The following NFKBIB variants were observed in gnomAD, a reference collection of about 807,000 sequenced individuals.
The protein encoded by NFKBIB is NF-kappa-B inhibitor beta.
A neutral mutation model predicts 32.1 loss-of-function variants in NFKBIB; 16 were observed. That is an observed-to-expected ratio of 0.50 (90% CI 0.34 to 0.76). The LOEUF is 0.76. NFKBIB is among the 30% of genes least tolerant of loss of function. NFKBIB has a pLI of 0.01. For missense variants in NFKBIB, 437 were observed against 514.9 expected (o/e 0.85, Z 1.46); for synonymous variants, 222 against 219.5 (o/e 1.01, Z -0.10).
intron 1 of NFKBIB, among the ~76,000 whole-genome samples, chr19:38,901,296 G>A (rs1276872571): frequency 6.6e-6 from 1 of 151,774 alleles, no homozygotes; most frequent in Non-Finnish European, 1.5e-5. Flanking sequence ...ATTGGTCTCT[G>A]TTCTGACTTT....
Position 38,905,391 on chromosome 19 carries a change from G to A in NFKBIB, c.475G>A (p.Asp159Asn), listed in dbSNP as rs201087488. The stretch of plus-strand genomic sequence containing the variant: ...CCCCCGGCGCCCCAGGGAAGCCCCC[G>A]ACACCTACCTCGCTCAGGGCCCTGA... ...PRPRRPREAP[D>N]TYLAQGPDRT... Residue 159 changes from aspartate (D) to asparagine (N), a missense_variant, in exon 3 of 6, where the codon GAC (aspartate) becomes AAC (asparagine). Transcript: ENST00000313582. This position sits in a 1 kb window ranked among gnomAD's most constrained non-coding sequence, Gnocchi z 5.5. 79 of 1,613,564 alleles carry A rather than the reference G, an allele frequency of 4.9e-5. No individual in the cohort carries two copies. Among genetic ancestry groups the A allele is most frequent in the East Asian group, 3.8e-4 (17 of 44,800 alleles).
chr19:38,905,048 A>G lies in NFKBIB; in HGVS notation c.213A>G (p.Glu71=). The G allele has an allele frequency of 6.2e-7, 1 of 1,613,964 alleles. No homozygotes were observed. The highest frequency in any genetic ancestry group is 2.2e-5 in the East Asian group (1 of 44,866). ...ACTTGGCTGTGATTCATCAGCATGA[A>G]CCCTTCCTGGATTTTCTTCTAGGCT... is the stretch of plus-strand genomic sequence containing the variant. The part of the protein sequence containing the change: ...ALHLAVIHQH[E]PFLDFLLGFS... The change falls in exon 2 of 6, where the codon GAA becomes GAG. Residue 71 remains glutamate, a synonymous_variant. Coordinates refer to ENST00000313582, the MANE Select transcript of NFKBIB (RefSeq NM_002503.5). The surrounding 1 kb of genome is among the most constrained non-coding windows in gnomAD (Gnocchi z 5.5).
intron 3 of NFKBIB, among the ~76,000 whole-genome samples, chr19:38,906,422 T>C (rs1974119856): frequency 6.6e-6 from 1 of 151,694 alleles, no homozygotes; most frequent in South Asian, 2.1e-4. Context: ...GTGCTGGGAT[T>C]ACAGGTGTGA....
rs1201662419 is a variant in NFKBIB, at chr19:38,907,221, G to T, written c.620G>T (p.Gly207Val). The T allele has an allele frequency of 6.2e-7, 1 of 1,610,944 alleles. No homozygotes were observed. ...KLQLEAENYE[G>V]HTPLHVAVIH... ...CTGACGCCAATCACTCTGTCCCCAG[G>T]CCACACCCCACTCCACGTGGCCGTT... is the stretch of plus-strand genomic sequence containing the variant. The change falls in exon 4 of 6, where the codon GGC (glycine) becomes GTC (valine). Residue 207 changes from glycine (G) to valine (V), a missense_variant and splice_region_variant. By Grantham distance (109) the Gly-to-Val change is moderately radical. Transcript: ENST00000313582.
Position 38,900,056 on chromosome 19 carries a change from A to C in NFKBIB, c.24A>C (p.Gly8=), listed in dbSNP as rs1223124076. ...CCATGGCTGGGGTCGCGTGCTTGGG[A>C]AAAGCTGCCGACGCAGATGAATGGT... MAGVACL[G]KAADADEWCD... Residue 8 remains glycine, a synonymous_variant, in exon 1 of 6, where the codon GGA becomes GGC. Coordinates refer to ENST00000313582, the MANE Select transcript of NFKBIB (RefSeq NM_002503.5). 6.7e-7 allele frequency: 1 copy of C among 1,497,678 alleles called. No homozygotes were observed. Among genetic ancestry groups the C allele is most frequent in the East Asian group, 2.5e-5 (1 of 40,228 alleles). 92.8% of individuals were successfully genotyped at this position (1,497,678 alleles called of 1,614,324 possible).
chr19:38,908,195 G>C (rs373359665), intron 5 of NFKBIB: 8 of 993,456 alleles, frequency 8.1e-6, no homozygotes, highest in Non-Finnish European at 9.6e-6. Flanking sequence ...CTCAGTTGCC[G>C]AAACTCTGGA....
chr19:38,900,101 C>T lies in NFKBIB; in HGVS notation c.69C>T (p.Ser23=), dbSNP rs768920310. 6.4e-6 allele frequency: 10 copies of T among 1,566,430 alleles called. No individual in the cohort carries two copies. The highest frequency in any genetic ancestry group is 7.7e-6 in the Non-Finnish European group (9 of 1,161,366). ...ADEWCDSGLG[S]LGPDAAAPGG... The stretch of plus-strand genomic sequence containing the variant: ...AATGGTGCGACAGCGGCCTGGGCTC[C>T]CTGGGTCCGGACGCAGCGGCCCCCG... Residue 23 remains serine (S), a synonymous_variant, in exon 1 of 6, where the codon TCC becomes TCT. Transcript: ENST00000313582.
At position 38,908,829 on chromosome 19, in the gene NFKBIB, G is replaced by A; in HGVS notation, c.1068G>A (p.Val356=). ...SKPLPDDPRP[V] ...CTCTTCCTGACGACCCCCGCCCCGT[G>A]TGATTTGTTTCATTGTTAATATAAT... The change falls in exon 6 of 6, where the codon GTG becomes GTA. Residue 356 remains valine (V), a synonymous_variant. Coordinates refer to ENST00000313582, the MANE Select transcript of NFKBIB (RefSeq NM_002503.5). The A allele has an allele frequency of 6.2e-7, 1 of 1,610,212 alleles. No individual in the cohort carries two copies. The highest frequency in any genetic ancestry group is 8.5e-7 in the Non-Finnish European group (1 of 1,179,066).
intron 1 of NFKBIB, among the ~76,000 whole-genome samples, chr19:38,904,122 T>G (rs1006802869): frequency 4.6e-5 from 7 of 151,782 alleles, no homozygotes; most frequent in Non-Finnish European, 1.0e-4. Context: ...TAAATATTCT[T>G]GAATATTATT....
Position 38,907,627 on chromosome 19 carries a change from A to T in NFKBIB, c.937A>T (p.Ser313Cys). The part of the protein sequence containing the change: ...GEDEKSGPCS[S>C]SSDSDSGDEG... ...GGACGAGAAATCCGGCCCCTGCAGCAGCAGTAGCGACAGCGACAGCGGAGA... is the reference window on the plus strand; with the variant it reads ...GGACGAGAAATCCGGCCCCTGCAGCTGCAGTAGCGACAGCGACAGCGGAGA... Residue 313 changes from serine (S) to cysteine (C), a missense_variant, in exon 5 of 6, where the codon AGC becomes TGC. Physicochemically the swap from Ser to Cys is moderately radical, Grantham distance 112. Coordinates refer to ENST00000313582, the MANE Select transcript of NFKBIB (RefSeq NM_002503.5). 1 of 1,610,314 alleles carries T rather than the reference A, an allele frequency of 6.2e-7. No homozygotes were observed. The highest frequency in any genetic ancestry group is 8.5e-7 in the Non-Finnish European group (1 of 1,178,802).
upstream of NFKBIB, chr19:38,899,865 T>C (rs2144716445): frequency 1.3e-6 from 1 of 755,976 alleles, no homozygotes; most frequent in East Asian, 2.7e-5. Context: ...AATACTCTGA[T>C]TGGTCAGGAT....
intron 5 of NFKBIB, chr19:38,908,088 C>G (rs1021861292): frequency 6.8e-6 from 7 of 1,034,142 alleles, no homozygotes; most frequent in African/African-American, 1.7e-5. Flanking sequence ...TCAGAGAACC[C>G]AGCAATACAG....
At chr19:38,908,554 AAAAAG>A (rs1281364290) in intron 5 of NFKBIB, 172 bp from the exon 6 acceptor site, 5 of 1,314,938 alleles carry the variant, frequency 3.8e-6, no homozygotes, top group Non-Finnish European at 3.9e-6. Context: ...AAAAAAAAAA[AAAAAG>A]AAAGAAAAGA....
At chr19:38,901,181 G>T (rs1973946964) in intron 1 of NFKBIB, among the ~76,000 whole-genome samples, 1 of 152,202 alleles carries the variant, frequency 6.6e-6, no homozygotes, top group Admixed American at 6.5e-5. Flanking sequence ...GCCTGATCCA[G>T]GAGGCACTGA....
rs770944743 is a variant in NFKBIB at position 38,905,105 on chromosome 19, G to A, written c.270G>A (p.Gln90=). The A allele has an allele frequency of 4.3e-6, 7 of 1,614,092 alleles. No individual in the cohort carries two copies. The Admixed American group carries it at 1.2e-4, about 27-fold the overall frequency. ...CCGGCACTGAGTACATGGACCTGCA[G>A]AATGACCTAGGCCAGGTGAGCCACG... ...FSAGTEYMDL[Q]NDLGQTALHL... The change falls in exon 2 of 6, where the codon CAG becomes CAA. Residue 90 remains glutamine, a synonymous_variant. Transcript: ENST00000313582. This position sits in a 1 kb window ranked among gnomAD's most constrained non-coding sequence, Gnocchi z 5.5.
intron 1 of NFKBIB, among the ~76,000 whole-genome samples, chr19:38,901,586 TG>T (rs1280939929): frequency 6.6e-6 from 1 of 152,070 alleles, no homozygotes; most frequent in African/African-American, 2.4e-5. Context: ...CTCTGACTCC[TG>T]GGTTTAAGCA....
chr19:38,908,710 C>T (rs1408631265), intron 5 of NFKBIB, 21 bp from the exon 6 acceptor site: 30 of 1,606,212 alleles, frequency 1.9e-5, no homozygotes, highest in Non-Finnish European at 2.6e-5. Context: ...AGCCCCTCTG[C>T]CTGGTCCCCT....
chr19:38,900,268 T>G, intron 1 of NFKBIB, 57 bp downstream of exon 1: 1 of 1,498,474 alleles, frequency 6.7e-7, no homozygotes, highest in Non-Finnish European at 8.9e-7. Context: ...ACATTCCTCA[T>G]TAATCTCTGA....
rs1246288668 is a variant in NFKBIB, at chr19:38,907,209, C to T, written c.620-12C>T. ...TCACCTCATCATCTGACGCCAATCA[C>T]TCTGTCCCCAGGCCACACCCCACTC... is the stretch of plus-strand genomic sequence containing the variant. On this transcript the variant is annotated splice_polypyrimidine_tract_variant and intron_variant, in intron 3 of 5. Transcript: ENST00000313582. The T allele has an allele frequency of 1.9e-6, 3 of 1,603,944 alleles. No homozygotes were observed. Among genetic ancestry groups the T allele is most frequent in the African/African-American group, 1.3e-5 (1 of 74,792 alleles).
Sources: gnomAD v4.1 joint callset for allele counts (sites outside exome capture counted in the v4.1 genomes callset) on GRCh38, gnomAD v4.1.1 for gene constraint, Gnocchi (gnomAD v3.1) non-coding constraint, MANE v1.5 for transcripts, NCBI Gene and HGNC (gene_info 2026-07-23, HGNC 2026-07-21) for gene names.